Variants in ADGRE1 observed in about 807,000 individuals in gnomAD.
ADGRE1 encodes the protein EGF-like module receptor 1.
ADGRE1 carries 82 observed loss-of-function variants against 102.7 expected under a neutral mutation model. The ratio of observed to expected loss-of-function variants is 0.80; its 90% CI spans 0.67 to 0.96. ADGRE1 has a LOEUF of 0.96. Among genes scored for constraint, ADGRE1 ranks in the 40% least tolerant of loss-of-function variants. The pLI is 0.00. For missense variants in ADGRE1, 1,032 were observed against 1,085.3 expected, an observed-to-expected ratio of 0.95 and a Z score of 0.69; for synonymous variants, 398 against 399.6, an observed-to-expected ratio of 1.00 and a Z score of 0.05.
intron 10 of ADGRE1, among the ~76,000 whole-genome samples, chr19:6,913,326 G>A (rs61203785): frequency 0.068 from 10,382 of 151,982 alleles, 1,088 homozygotes; most frequent in African/African-American, 0.22. Flanking sequence ...TTACTGGCAC[G>A]TGCCACCATG....
chr19:6,896,286 A>T (rs1973548350), intron 2 of ADGRE1, 112 bp from the exon 3 acceptor site: 1 of 1,048,624 alleles, frequency 9.5e-7, no homozygotes, highest in African/African-American at 1.6e-5. Flanking sequence ...ATCTTTTGGG[A>T]GGAACACAAT....
chr19:6,889,038 G>C (rs147405220), intron 1 of ADGRE1, among the ~76,000 whole-genome samples: 91 of 152,064 alleles, frequency 6.0e-4, no homozygotes, highest in African/African-American at 2.0e-3. Flanking sequence ...TGATGATAAT[G>C]GTGATGATAG....
At chr19:6,916,147 C>T in intron 11 of ADGRE1, 102 bp from the exon 12 acceptor site, 1 of 1,346,450 alleles carries the variant, frequency 7.4e-7, no homozygotes, top group Non-Finnish European at 1.0e-6. Context: ...TATTCTTTTC[C>T]TTTGCTCGCC....
In ADGRE1 at chr19:6,896,516, C is replaced by G. The variant is rs759949629; in HGVS notation, c.213C>G (p.Phe71Leu). Residue 71 changes from phenylalanine (F) to leucine (L), a missense_variant, in exon 3 of 21, where the codon TTC becomes TTG. Physicochemically the swap from Phe to Leu is conservative, Grantham distance 22. Coordinates refer to ENST00000312053, the MANE Select transcript of ADGRE1 (RefSeq NM_001974.5). The part of the protein sequence containing the change: ...GFLSSNGQNH[F>L]KDPGVRCKDI... ...TGTCCAGCAATGGGCAAAATCACTT[C>G]AAGGATCCAGGAGTGCGATGCAAAG... 1.1e-5 allele frequency: 18 copies of G among 1,614,116 alleles called. No individual in the cohort carries two copies. The highest frequency in any genetic ancestry group is 1.6e-4 in the Middle Eastern group (1 of 6,062).
Position 6,921,680 on chromosome 19 carries a change from A to G in ADGRE1, c.1621-33A>G, listed in dbSNP as rs771903132. ...TCCATTTGATGGGGATTCCCAGAAG[A>G]CCTTTGTTTTTTTGTTTTTTTGTTT... On this transcript the variant is annotated intron_variant, in intron 13 of 20. Coordinates refer to ENST00000312053, the MANE Select transcript of ADGRE1 (RefSeq NM_001974.5). 3 of 1,522,442 alleles carry G rather than the reference A, an allele frequency of 2.0e-6. 1 individual carries two copies. Among genetic ancestry groups the G allele is most frequent in the South Asian group, 2.4e-5 (2 of 82,390 alleles). The allele number at this position is 1,522,442 out of a possible 1,614,324, so 94.3% of individuals were successfully genotyped here. A position where few individuals can be genotyped will look rare whatever the true frequency, so the allele number is the denominator to read the frequency against.
chr19:6,890,715 T>G (rs77774790), intron 2 of ADGRE1, among the ~76,000 whole-genome samples, 172 bp downstream of exon 2: 2,564 of 152,278 alleles, frequency 0.017, 80 homozygotes, highest in African/African-American at 0.059. Flanking sequence ...CTTTCCTTTG[T>G]GCTTAGAATT....
chr19:6,898,937 C>T (rs1599717881), intron 5 of ADGRE1, among the ~76,000 whole-genome samples: 1 of 152,198 alleles, frequency 6.6e-6, no homozygotes. Flanking sequence ...TCTGGTTTAA[C>T]AATCTATATC....
chr19:6,924,729 G>A lies in ADGRE1; in HGVS notation c.1843G>A (p.Val615Met). 1 of 1,614,028 alleles carries A rather than the reference G, an allele frequency of 6.2e-7. No individual in the cohort carries two copies. Among genetic ancestry groups the A allele is most frequent in the Non-Finnish European group, 8.5e-7 (1 of 1,179,998 alleles). The change falls in exon 15 of 21, where the codon GTG (valine) becomes ATG (methionine). Residue 615 changes from valine to methionine, a missense_variant. Transcript: ENST00000312053. ...CCATGTAGGCATTATCATCTCCTTGGTGTGCCTCGTCTTGGCCATCGCCAC... is the reference window on the plus strand; with the variant it reads ...CCATGTAGGCATTATCATCTCCTTGATGTGCCTCGTCTTGGCCATCGCCAC... Reference protein sequence around the residue: ...ISHVGIIISLVCLVLAIATFL... With the variant: ...ISHVGIIISLMCLVLAIATFL...
At chr19:6,901,164 C>T (rs575846569) in intron 5 of ADGRE1, among the ~76,000 whole-genome samples, 2 of 152,358 alleles carry the variant, frequency 1.3e-5, no homozygotes, top group South Asian at 4.1e-4. Flanking sequence ...TCTATTTATT[C>T]TCCTTAGCCA....
intron 10 of ADGRE1, among the ~76,000 whole-genome samples, chr19:6,911,204 C>G (rs958324784): frequency 2.0e-5 from 3 of 152,034 alleles, no homozygotes; most frequent in Admixed American, 1.3e-4. Flanking sequence ...GGACAAATAT[C>G]TCTCAAATGT....
rs375540911 is a variant in ADGRE1 at position 6,897,342 on chromosome 19, G to A, written c.394+38G>A. ...GGTTCCCAGGGATGGGTCTTGGGTG[G>A]ATATCTATCAGTGGGGTGAGTTCAT... On this transcript the variant is annotated intron_variant, in intron 4 of 20. Coordinates refer to ENST00000312053, the MANE Select transcript of ADGRE1 (RefSeq NM_001974.5). 2.5e-6 allele frequency: 4 copies of A among 1,612,242 alleles called. No homozygotes were observed. The African/African-American group carries it at 5.3e-5, about 22-fold the overall frequency.
At chr19:6,920,231 C>CTTTTCT (rs536488711) in intron 13 of ADGRE1, among the ~76,000 whole-genome samples, 11 of 79,808 alleles carry the variant, frequency 1.4e-4, no homozygotes, top group African/African-American at 2.4e-4. Context: ...GTGGTTGCTT[C>CTTTTCT]TTTTTTTTTT....
chr19:6,932,323 C>T (rs1045100874), intron 17 of ADGRE1, among the ~76,000 whole-genome samples: 2 of 151,962 alleles, frequency 1.3e-5, no homozygotes, highest in Non-Finnish European at 2.9e-5. Context: ...AAAAAATCAG[C>T]CAGGCGTGGT....
Position 6,937,602 on chromosome 19 carries a change from A to G in ADGRE1, c.2609A>G (p.Gln870Arg), listed in dbSNP as rs1423869164. ...TGKTKPSSQS[Q>R]TSRILLSSMP... Reference sequence around the variant, plus strand: ...AAGACGAAGCCCAGCTCCCAGTCCCAGACCTCAAGGATCTTGCTGTCCTCC... The same window carrying G: ...AAGACGAAGCCCAGCTCCCAGTCCCGGACCTCAAGGATCTTGCTGTCCTCC... Residue 870 changes from glutamine (Q) to arginine (R), a missense_variant, in exon 20 of 21, where the codon CAG (glutamine) becomes CGG (arginine). Gln to Arg is a conservative substitution (Grantham distance 43, BLOSUM62 1). Coordinates refer to ENST00000312053, the MANE Select transcript of ADGRE1 (RefSeq NM_001974.5). The G allele has an allele frequency of 6.2e-7, 1 of 1,614,162 alleles. No individual in the cohort carries two copies. Among genetic ancestry groups the G allele is most frequent in the Non-Finnish European group, 8.5e-7 (1 of 1,180,020 alleles).
In ADGRE1 at chr19:6,908,758, G is replaced by T. The variant is rs142294774; in HGVS notation, c.1108G>T (p.Val370Leu). Residue 370 changes from valine (V) to leucine (L), a missense_variant, in exon 10 of 21, where the codon GTA becomes TTA. Physicochemically the swap from Val to Leu is conservative, Grantham distance 32 (BLOSUM62 1). Coordinates refer to ENST00000312053, the MANE Select transcript of ADGRE1 (RefSeq NM_001974.5). The part of the protein sequence containing the change: ...LDKVCENKTT[V>L]VSLKNTTESF... The stretch of plus-strand genomic sequence containing the variant: ...CAAAGTGTGTGAAAATAAAACGACC[G>T]TAGTTTCTCTGAAGGTAACGATTGG... 11 of 1,609,062 alleles carry T rather than the reference G, an allele frequency of 6.8e-6. No individual in the cohort carries two copies. The East Asian group carries it at 2.0e-4, about 29-fold the overall frequency.
intron 18 of ADGRE1, among the ~76,000 whole-genome samples, chr19:6,936,685 C>T (rs185277607): frequency 3.7e-4 from 56 of 150,826 alleles, no homozygotes; most frequent in African/African-American, 1.1e-3. Context: ...GGCATTGGCA[C>T]GGTCTCGACT....
chr19:6,904,606 C>T (rs566049041), intron 8 of ADGRE1, among the ~76,000 whole-genome samples: 14 of 151,404 alleles, frequency 9.2e-5, no homozygotes, highest in South Asian at 2.1e-4. Flanking sequence ...CCCGGGTTCA[C>T]GCCATTCTTC....
chr19:6,912,425 T>C (rs1403642433), intron 10 of ADGRE1, among the ~76,000 whole-genome samples: 3 of 152,220 alleles, frequency 2.0e-5, no homozygotes, highest in Non-Finnish European at 4.4e-5. Flanking sequence ...TAGCCTCTAC[T>C]TCATAGATAT....
At chr19:6,930,550 G>A (rs1975096591) in intron 17 of ADGRE1, among the ~76,000 whole-genome samples, 1 of 152,106 alleles carries the variant, frequency 6.6e-6, no homozygotes, top group Non-Finnish European at 1.5e-5. Context: ...GAGTCAACGA[G>A]GTATCTGTCC....
Sources: gnomAD v4.1 joint callset for allele counts (sites outside exome capture counted in the v4.1 genomes callset) on GRCh38, gnomAD v4.1.1 for gene constraint, MANE v1.5 for transcripts, NCBI Gene and HGNC (gene_info 2026-07-23, HGNC 2026-07-21) for gene names.